The following TAF2 variants were observed in gnomAD, a reference collection of about 807,000 sequenced individuals.
The protein encoded by TAF2 is transcription initiation factor TFIID subunit 2.
Under a neutral mutation model 138.5 loss-of-function variants are expected in TAF2, and 61 were observed. The observed-to-expected ratio is 0.44, with a 90% CI of 0.36 to 0.54. The LOEUF is 0.54. TAF2 is among the 20% of genes least tolerant of loss of function. TAF2 has a pLI of 0.00. For missense variants in TAF2, 1,090 were observed against 1,427.9 expected (o/e 0.76, Z 3.81); for synonymous variants, 475 against 469.9 (o/e 1.01, Z -0.14).
At chr8:119,767,795 G>A (rs1821540836) in intron 18 of TAF2, among the ~76,000 whole-genome samples, 1 of 152,254 alleles carries the variant, frequency 6.6e-6, no homozygotes, top group Non-Finnish European at 1.5e-5. Flanking sequence ...TGGGTCCACA[G>A]TGCAGCCGCC....
At chr8:119,760,479 T>C in intron 20 of TAF2, 120 bp downstream of exon 20, 1 of 1,111,358 alleles carries the variant, frequency 9.0e-7, no homozygotes, top group Non-Finnish European at 1.3e-6. Context: ...AATCACTAAG[T>C]CAAGAATTTA....
chr8:119,747,540 T>C (rs1008369240), intron 22 of TAF2, among the ~76,000 whole-genome samples: 1 of 152,144 alleles, frequency 6.6e-6, no homozygotes, highest in Non-Finnish European at 1.5e-5. Context: ...GTTCTTTCCA[T>C]TTCTCTGAGT....
At chr8:119,823,098 G>C (rs1326026236) in intron 2 of TAF2, among the ~76,000 whole-genome samples, 13 of 152,066 alleles carry the variant, frequency 8.5e-5, no homozygotes, top group Non-Finnish European at 1.9e-4. Flanking sequence ...CCTTTCTGTA[G>C]AATTTTTTCC....
chr8:119,791,148 T>C (rs1307020758), intron 11 of TAF2, among the ~76,000 whole-genome samples, 176 bp downstream of exon 11: 1 of 152,200 alleles, frequency 6.6e-6, no homozygotes, highest in Non-Finnish European at 1.5e-5. Context: ...AAAGTTGTTC[T>C]GGTATTGATA....
rs1467986649 is a variant in TAF2, at chr8:119,832,749, T to C, written c.-185A>G. ...CAACCTCGCTCCTTCGACTAGCTCC[T>C]AGAAGCCGCCGTCGACAAGCTTCTG... On this transcript the variant is annotated 5_prime_UTR_variant, in exon 1 of 26. Coordinates refer to ENST00000378164, the MANE Select transcript of TAF2 (RefSeq NM_003184.4). 2 of 517,000 alleles carry C rather than the reference T, an allele frequency of 3.9e-6. No individual in the cohort carries two copies. Among genetic ancestry groups the C allele is most frequent in the East Asian group, 3.1e-5 (1 of 32,440 alleles). 32.0% of individuals were successfully genotyped at this position (517,000 alleles called of 1,614,324 possible). A position where few individuals can be genotyped will look rare whatever the true frequency, so the allele number is the denominator to read the frequency against.
intron 4 of TAF2, among the ~76,000 whole-genome samples, chr8:119,804,372 A>T (rs1195468640): frequency 6.6e-6 from 1 of 152,058 alleles, no homozygotes; most frequent in Admixed American, 6.5e-5. Context: ...CCAACCCCAA[A>T]CTTACTGATA....
chr8:119,805,431 C>T (rs779092416), intron 4 of TAF2, among the ~76,000 whole-genome samples: 4 of 152,054 alleles, frequency 2.6e-5, no homozygotes, highest in Non-Finnish European at 4.4e-5. Flanking sequence ...CATGGCCAGG[C>T]GCAGTGGCTC....
chr8:119,818,169 G>T (rs189739798), intron 3 of TAF2, among the ~76,000 whole-genome samples: 4 of 152,094 alleles, frequency 2.6e-5, no homozygotes, highest in Non-Finnish European at 4.4e-5. Context: ...CTCAAGCTTC[G>T]GTCTGTATCA....
At chr8:119,801,074 C>T (rs1400016219) in intron 6 of TAF2, among the ~76,000 whole-genome samples, 1 of 152,108 alleles carries the variant, frequency 6.6e-6, no homozygotes. Context: ...TGTCTGTTTT[C>T]CTCTGTATAG....
At chr8:119,812,306 C>A (rs770520730) in intron 3 of TAF2, among the ~76,000 whole-genome samples, 10 of 151,532 alleles carry the variant, frequency 6.6e-5, no homozygotes, top group Non-Finnish European at 1.5e-4. Flanking sequence ...GACAGGGAGC[C>A]GAATGTGATT....
At chr8:119,804,733 G>A (rs182536328) in intron 4 of TAF2, among the ~76,000 whole-genome samples, 23 of 151,978 alleles carry the variant, frequency 1.5e-4, no homozygotes, top group African/African-American at 2.4e-4. Context: ...GCATGAAAAC[G>A]GACTAATACA....
At position 119,830,492 on chromosome 8, in the gene TAF2, C is replaced by T. The variant is rs544116921; in HGVS notation, c.138+1185G>A. Among the ~76,000 whole-genome samples, 6 of 152,190 alleles carry T rather than the reference C, an allele frequency of 3.9e-5. No homozygotes were observed. In the East Asian group the frequency reaches 1.2e-3, roughly 29 times the overall value. ...CCCTAATTCCCTTATCTTTCCTACC[C>T]AATTCATACAACATAATACAACTCA... On this transcript the variant is annotated intron_variant, in intron 2 of 25. Transcript: ENST00000378164.
In TAF2 at chr8:119,732,136, G is replaced by A. The variant is rs1818916291; in HGVS notation, c.3388C>T (p.Pro1130Ser). 1 of 1,614,024 alleles carries A rather than the reference G, an allele frequency of 6.2e-7. No individual in the cohort carries two copies. Among genetic ancestry groups the A allele is most frequent in the African/African-American group, 1.3e-5 (1 of 74,910 alleles). ...EMSMHPAASAPLSVFTKESTA... is the reference protein window; with the variant it reads ...EMSMHPAASASLSVFTKESTA... ...GATTCCTTAGTAAAGACTGAGAGTG[G>A]AGCGCTTGCCGCTGGATGCATACTC... Residue 1130 changes from proline (P) to serine (S), a missense_variant, in exon 26 of 26, where the codon CCA becomes TCA. This residue lies in a region of TAF2 where 580 missense variants were observed against 719.6 expected (regional missense o/e 0.81). Transcript: ENST00000378164.
rs1427951395 is a variant in TAF2, at chr8:119,783,438, T to C, written c.2055A>G (p.Leu685=). Residue 685 remains leucine (L), a synonymous_variant, in exon 16 of 26, where the codon TTA becomes TTG. Coordinates refer to ENST00000378164, the MANE Select transcript of TAF2 (RefSeq NM_003184.4). The part of the protein sequence containing the change: ...PASRLALTDI[L]EQEQCFYRVR... Reference sequence around the variant, plus strand: ...CTCTGTAGAAACACTGCTCTTGTTCTAATATATCAGTGAGTGCAAGCCGAG... The same window carrying C: ...CTCTGTAGAAACACTGCTCTTGTTCCAATATATCAGTGAGTGCAAGCCGAG... The C allele has an allele frequency of 1.9e-6, 3 of 1,614,088 alleles. No individual in the cohort carries two copies. Among genetic ancestry groups the C allele is most frequent in the Non-Finnish European group, 2.5e-6 (3 of 1,180,030 alleles).
intron 6 of TAF2, among the ~76,000 whole-genome samples, chr8:119,800,509 G>A (rs1236967146): frequency 1.3e-5 from 2 of 152,146 alleles, no homozygotes; most frequent in Non-Finnish European, 2.9e-5. Context: ...CTATATCTCT[G>A]TTTTGGTACC....
At chr8:119,750,217 T>C (rs1820255284) in intron 22 of TAF2, among the ~76,000 whole-genome samples, 1 of 152,122 alleles carries the variant, frequency 6.6e-6, no homozygotes, top group South Asian at 2.1e-4. Context: ...GGCAGGCGCC[T>C]GTAGTCCCAG....
intron 3 of TAF2, among the ~76,000 whole-genome samples, chr8:119,817,708 T>G (rs1434101273): frequency 6.6e-6 from 1 of 152,180 alleles, no homozygotes; most frequent in East Asian, 1.9e-4. Context: ...GACACTGTCT[T>G]TTGTGACTGA....
chr8:119,748,917 TA>T (rs112030672), intron 22 of TAF2, among the ~76,000 whole-genome samples: 4,950 of 125,582 alleles, frequency 0.039, 144 homozygotes, highest in South Asian at 0.12. Context: ...TTTTATCAGT[TA>T]AAAAAAAAAA....
chr8:119,737,302 C>T (rs1320096318), intron 25 of TAF2, among the ~76,000 whole-genome samples: 1 of 151,932 alleles, frequency 6.6e-6, no homozygotes, highest in Non-Finnish European at 1.5e-5. Context: ...CTACCTTTTA[C>T]AGATACATAC....
Sources: gnomAD v4.1 joint callset for allele counts (sites outside exome capture counted in the v4.1 genomes callset) on GRCh38, gnomAD v4.1.1 for gene constraint, gnomAD v4.1.1 regional missense constraint, MANE v1.5 for transcripts, NCBI Gene and HGNC (gene_info 2026-07-23, HGNC 2026-07-21) for gene names.